Variants in ADCY7 observed in about 807,000 individuals in gnomAD.
The protein encoded by ADCY7 is adenylate cyclase type 7.
Under a neutral mutation model 120.6 loss-of-function variants are expected in ADCY7, and 72 were observed. That is an observed-to-expected ratio of 0.60 (90% CI 0.49 to 0.73). ADCY7 has a LOEUF of 0.73. Among genes scored for constraint, ADCY7 ranks in the 30% least tolerant of loss-of-function variants. The pLI is 0.00. For missense variants in ADCY7, 1,227 were observed against 1,486.0 expected, an observed-to-expected ratio of 0.83 and a Z score of 2.87; for synonymous variants, 661 against 628.0, an observed-to-expected ratio of 1.05 and a Z score of -0.78.
At chr16:50,302,422 C>T (rs1047788131) in intron 10 of ADCY7, among the ~76,000 whole-genome samples, 1 of 152,212 alleles carries the variant, frequency 6.6e-6, no homozygotes, top group South Asian at 2.1e-4. Flanking sequence ...CCCCCGCAGG[C>T]TGCCAGGTTG....
intron 1 of ADCY7, among the ~76,000 whole-genome samples, chr16:50,269,022 C>T (rs746137247): frequency 3.3e-5 from 5 of 152,176 alleles, no homozygotes; most frequent in African/African-American, 4.8e-5. Flanking sequence ...GCCTGGGTGA[C>T]GGAATGAGAC....
chr16:50,281,402 G>A (rs952447198), intron 1 of ADCY7, among the ~76,000 whole-genome samples: 3 of 151,842 alleles, frequency 2.0e-5, no homozygotes, highest in African/African-American at 7.3e-5. Flanking sequence ...TGCGGCAGGT[G>A]CAGCAGGTGC....
In ADCY7 at chr16:50,288,114, A is replaced by T. The variant is rs376341329; in HGVS notation, c.-66A>T. The T allele has an allele frequency of 1.0e-4, 147 of 1,475,880 alleles. 1 individual carries two copies. In the East Asian group the frequency reaches 1.7e-3, roughly 17 times the overall value. The allele number at this position is 1,475,880 out of a possible 1,614,324, so 91.4% of individuals were successfully genotyped here. On this transcript the variant is annotated 5_prime_UTR_variant, in exon 2 of 26. Coordinates refer to ENST00000673801, the MANE Select transcript of ADCY7 (RefSeq NM_001114.5). ...CCCACGGGGGAGGGTGTTGGCAGAC[A>T]GATGCCCTCCAGGCCCTGGGGCCTC...
At chr16:50,261,036 A>ATT (rs2033045407) in intron 1 of ADCY7, among the ~76,000 whole-genome samples, 1 of 152,202 alleles carries the variant, frequency 6.6e-6, no homozygotes, top group Non-Finnish European at 1.5e-5. Context: ...CTCGTAGCTC[A>ATT]CACCTACTGC....
chr16:50,313,955 C>A lies in ADCY7; in HGVS notation c.2752-3C>A, dbSNP rs1018715281. ...TGCTTCACCGCTTCCTTCTTGCCTG[C>A]AGCTCCTACTGAAGCCCAAGTTCAG... On this transcript the variant is annotated splice_polypyrimidine_tract_variant and splice_region_variant and intron_variant, in intron 22 of 25. Coordinates refer to ENST00000673801, the MANE Select transcript of ADCY7 (RefSeq NM_001114.5). The A allele has an allele frequency of 6.2e-7, 1 of 1,611,516 alleles. No homozygotes were observed.
At chr16:50,310,157 T>C (rs1356827744) in intron 18 of ADCY7, among the ~76,000 whole-genome samples, 1 of 152,036 alleles carries the variant, frequency 6.6e-6, no homozygotes, top group Non-Finnish European at 1.5e-5. Context: ...AGGGACAGCA[T>C]GGGAAAAAGC....
chr16:50,300,930 G>A (rs953678354), intron 9 of ADCY7, 57 bp downstream of exon 9: 3 of 747,744 alleles, frequency 4.0e-6, no homozygotes, highest in East Asian at 8.3e-5. Flanking sequence ...TGTGGATGGA[G>A]GGTTCTGCGG....
At chr16:50,286,883 C>G (rs2034616388) in intron 1 of ADCY7, among the ~76,000 whole-genome samples, 1 of 152,180 alleles carries the variant, frequency 6.6e-6, no homozygotes, top group Admixed American at 6.5e-5. Context: ...CGAAATGGAT[C>G]AGAGACCTTT....
chr16:50,301,289 C>T, intron 10 of ADCY7, 75 bp downstream of exon 10: 1 of 1,492,562 alleles, frequency 6.7e-7, no homozygotes, highest in Non-Finnish European at 8.9e-7. Context: ...TGGCCCGCAC[C>T]TTGGAGGAAA....
chr16:50,307,825 G>A (rs1009515875), intron 15 of ADCY7, among the ~76,000 whole-genome samples: 6 of 152,100 alleles, frequency 3.9e-5, no homozygotes, highest in East Asian at 3.9e-4. Flanking sequence ...GTGAAACCCC[G>A]TCTCTACCAA....
At chr16:50,293,606 C>T (rs2035145983) in intron 6 of ADCY7, 104 bp downstream of exon 6, 1 of 1,403,146 alleles carries the variant, frequency 7.1e-7, no homozygotes, top group Non-Finnish European at 9.7e-7. Context: ...AGACCCCTGC[C>T]CATATAGGGA....
chr16:50,268,829 G>A lies in ADCY7; in HGVS notation c.-269+2149G>A, dbSNP rs372139394. On this transcript the variant is annotated intron_variant, in intron 1 of 25. Coordinates refer to ENST00000673801, the MANE Select transcript of ADCY7 (RefSeq NM_001114.5). ...AGGTGGGCGGATCACTTGAGCCCAG[G>A]GGTTCGAGACCAGCCTGGGCAACAT... Among the ~76,000 whole-genome samples, 52 of 152,296 alleles carry A rather than the reference G, an allele frequency of 3.4e-4. 1 individual carries two copies. Among genetic ancestry groups the A allele is most frequent in the African/African-American group, 1.1e-3 (44 of 41,558 alleles).
chr16:50,281,587 GGACACACACACACA>G (rs1397964105), intron 1 of ADCY7, among the ~76,000 whole-genome samples: 1 of 152,208 alleles, frequency 6.6e-6, no homozygotes, highest in Admixed American at 6.5e-5. Context: ...ACCAGCTGCG[GGACACACACACACA>G]GATCCCACCA....
intron 1 of ADCY7, among the ~76,000 whole-genome samples, chr16:50,260,123 C>T (rs1037979691): frequency 1.3e-5 from 2 of 152,216 alleles, no homozygotes; most frequent in East Asian, 1.9e-4. Context: ...TGTCCTCCCA[C>T]GTAGGGTGAG....
At chr16:50,279,460 A>G (rs1438256340) in intron 1 of ADCY7, 1 of 152,236 alleles carries the variant, frequency 6.6e-6, no homozygotes, top group African/African-American at 2.4e-5. Flanking sequence ...TCACTAATTG[A>G]ATTTCAAGCA....
At chr16:50,253,800 G>C (rs1178670899) in intron 1 of ADCY7, among the ~76,000 whole-genome samples, 1 of 152,194 alleles carries the variant, frequency 6.6e-6, no homozygotes, top group African/African-American at 2.4e-5. Flanking sequence ...TTGAGGTGGG[G>C]GTGGAGGCGG....
chr16:50,312,802 A>G, intron 21 of ADCY7, 88 bp from the exon 22 acceptor site: 2 of 1,268,270 alleles, frequency 1.6e-6, no homozygotes, highest in Non-Finnish European at 1.1e-6. Flanking sequence ...TGGGCAGTTC[A>G]GCAGTGCCAT....
intron 1 of ADCY7, chr16:50,246,249 G>GC (rs1317964933): frequency 6.7e-6 from 1 of 150,112 alleles, no homozygotes. Flanking sequence ...CCGGGGATGC[G>GC]CCCGGGGTCG....
Position 50,315,705 on chromosome 16 carries a change from C to A in ADCY7, c.*200C>A. On this transcript the variant is annotated 3_prime_UTR_variant, in exon 26 of 26. Coordinates refer to ENST00000673801, the MANE Select transcript of ADCY7 (RefSeq NM_001114.5). ...GAAGCAGCCACTGAGCCATAATGCG[C>A]AGGGGAGGCCAGAAGCTCTGTGCCT... 2 of 592,894 alleles carry A rather than the reference C, an allele frequency of 3.4e-6. No homozygotes were observed. Among genetic ancestry groups the A allele is most frequent in the Non-Finnish European group, 5.7e-6 (2 of 349,752 alleles). The allele number at this position is 592,894 out of a possible 1,614,324, so 36.7% of individuals were successfully genotyped here. A position where few individuals can be genotyped will look rare whatever the true frequency, so the allele number is the denominator to read the frequency against.
Sources: gnomAD v4.1 joint callset for allele counts (sites outside exome capture counted in the v4.1 genomes callset) on GRCh38, gnomAD v4.1.1 for gene constraint, MANE v1.5 for transcripts, NCBI Gene and HGNC (gene_info 2026-07-23, HGNC 2026-07-21) for gene names.